ANGPTL4: variants seen among roughly 807,000 people sequenced by gnomAD.
ANGPTL4 encodes angiopoietin-related protein 4.
Under a neutral mutation model 39.2 loss-of-function variants are expected in ANGPTL4, and 39 were observed. The ratio of observed to expected loss-of-function variants is 1.00; its 90% CI spans 0.77 to 1.30. The LOEUF is 1.30. Ranked by LOEUF, ANGPTL4 falls within the 50% of genes most tolerant of loss-of-function variation. The pLI is 0.00. For synonymous variants in ANGPTL4, 233 were observed against 229.5 expected (o/e 1.02, Z -0.14); for missense variants, 545 against 549.8 (o/e 0.99, Z 0.09).
chr19:8,366,948 TC>T (rs1971018654), intron 3 of ANGPTL4, among the ~76,000 whole-genome samples: 1 of 150,656 alleles, frequency 6.6e-6, no homozygotes, highest in South Asian at 2.1e-4. Flanking sequence ...GGTGCTTTAT[TC>T]CCAAATCTCC....
chr19:8,366,057 A>G lies in ANGPTL4; in HGVS notation c.422A>G (p.Gln141Arg), dbSNP rs1970997164. ...CAGCACCTGCGAATTCAGCATCTGC[A>G]AAGCCAGGTAACCCTAGGATCAAGG... Reference protein sequence around the residue: ...EKQHLRIQHLQSQFGLLDHKH... With the variant: ...EKQHLRIQHLRSQFGLLDHKH... The change falls in exon 2 of 7, where the codon CAA becomes CGA. Residue 141 changes from glutamine to arginine, a missense_variant. Gln to Arg is a conservative substitution (Grantham distance 43, BLOSUM62 1). Coordinates refer to ENST00000301455, the MANE Select transcript of ANGPTL4 (RefSeq NM_139314.3). 1 of 1,614,162 alleles carries G rather than the reference A, an allele frequency of 6.2e-7. No individual in the cohort carries two copies. Among genetic ancestry groups the G allele is most frequent in the Middle Eastern group, 1.6e-4 (1 of 6,062 alleles).
At position 8,365,799 on chromosome 19, in the gene ANGPTL4, G is replaced by A. The variant is rs61097060; in HGVS notation, c.319-155G>A. ...CACCACTGCACTCCAGCCTGGGCGA[G>A]AGAACGAGACCCCGTCATTGGGAAA... On this transcript the variant is annotated intron_variant, in intron 1 of 6. Transcript: ENST00000301455. Among the ~76,000 whole-genome samples the A allele has an allele frequency of 3.3e-3, 503 of 152,196 alleles. 3 individuals carry two copies. The highest frequency in any genetic ancestry group is 0.011 in the African/African-American group (471 of 41,522).
chr19:8,364,729 G>A, intron 1 of ANGPTL4, 90 bp downstream of exon 1: 2 of 1,472,512 alleles, frequency 1.4e-6, no homozygotes, highest in Non-Finnish European at 1.9e-6. Context: ...GGGGCGGGGT[G>A]CGCAACTGTG....
intron 3 of ANGPTL4, among the ~76,000 whole-genome samples, chr19:8,368,447 C>T (rs1266741943): frequency 6.6e-6 from 1 of 152,206 alleles, no homozygotes; most frequent in Non-Finnish European, 1.5e-5. Flanking sequence ...TAGATGACCT[C>T]AGTGTCCAGG....
Position 8,371,874 on chromosome 19 carries a change from CAGCCTCCCGAGT to C in ANGPTL4, c.1039+356_1039+367del, listed in dbSNP as rs1168501382. Among the ~76,000 whole-genome samples, 9 of 152,066 alleles carry C rather than the reference CAGCCTCCCGAGT, an allele frequency of 5.9e-5. No homozygotes were observed. The highest frequency in any genetic ancestry group is 2.2e-4 in the African/African-American group (9 of 41,390). Reference sequence around the variant, plus strand: ...CTGAGTTCACACCATTCTCCTGCCTCAGCCTCCCGAGTAGCTGGGACTATAGGTGCCCACCAC... The same window carrying C: ...CTGAGTTCACACCATTCTCCTGCCTCAGCTGGGACTATAGGTGCCCACCAC... On this transcript the variant is annotated intron_variant, in intron 6 of 6. Transcript: ENST00000301455. The surrounding 1 kb of genome is among the most constrained non-coding windows in gnomAD (Gnocchi z 5.1).
rs1364494864 is a variant in ANGPTL4, at chr19:8,364,391, C to G, written c.70C>G (p.Gln24Glu). Residue 24 changes from glutamine (Q) to glutamate (E), a missense_variant, in exon 1 of 7, where the codon CAG becomes GAG. Transcript: ENST00000301455. ...CAATAVLLSA[Q>E]GGPVQSKSPR... ...CGCCACCGCCGTGCTACTGAGCGCT[C>G]AGGGCGGACCCGTGCAGTCCAAGTC... The G allele has an allele frequency of 6.5e-6, 10 of 1,546,050 alleles. No individual in the cohort carries two copies. Among genetic ancestry groups the G allele is most frequent in the Non-Finnish European group, 7.8e-6 (9 of 1,149,270 alleles).
chr19:8,371,301 T>C lies in ANGPTL4; in HGVS notation c.818T>C (p.Leu273Pro), dbSNP rs2145482886. Reference protein sequence around the residue: ...HSITGDRNSRLAVQLRDWDGN... With the variant: ...HSITGDRNSRPAVQLRDWDGN... ...ATCACGGGGGACCGCAACAGCCGCCTGGCCGTGCAGCTGCGGGACTGGGAT... is the reference window on the plus strand; with the variant it reads ...ATCACGGGGGACCGCAACAGCCGCCCGGCCGTGCAGCTGCGGGACTGGGAT... The change falls in exon 6 of 7, where the codon CTG becomes CCG. Residue 273 changes from leucine (L) to proline (P), a missense_variant. Physicochemically the swap from Leu to Pro is moderately conservative, Grantham distance 98 (BLOSUM62 -3). Transcript: ENST00000301455. This position sits in a 1 kb window ranked among gnomAD's most constrained non-coding sequence, Gnocchi z 5.1. The C allele has an allele frequency of 6.2e-7, 1 of 1,613,958 alleles. No individual in the cohort carries two copies. Among genetic ancestry groups the C allele is most frequent in the Non-Finnish European group, 8.5e-7 (1 of 1,180,040 alleles).
Position 8,373,390 on chromosome 19 carries a change from T to C in ANGPTL4, c.1040-315T>C, listed in dbSNP as rs1239031652. Among the ~76,000 whole-genome samples the C allele has an allele frequency of 4.7e-5, 7 of 149,106 alleles. 1 individual carries two copies. Among genetic ancestry groups the C allele is most frequent in the Admixed American group, 6.7e-5 (1 of 14,950 alleles). ...CTGCACTCCAGCCTGGGAGATAGAG[T>C]GAGACTCAGTCTCAAAAAAAAAGAC... On this transcript the variant is annotated intron_variant, in intron 6 of 6. Transcript: ENST00000301455.
rs765497773 is a variant in ANGPTL4 at position 8,364,518 on chromosome 19, T to C, written c.197T>C (p.Leu66Pro). ...REHAERTRSQLSALERRLSAC... is the reference protein window; with the variant it reads ...REHAERTRSQPSALERRLSAC... ...CACGCGGAGCGCACCCGCAGTCAGCTGAGCGCGCTGGAGCGGCGCCTGAGC... is the reference window on the plus strand; with the variant it reads ...CACGCGGAGCGCACCCGCAGTCAGCCGAGCGCGCTGGAGCGGCGCCTGAGC... The change falls in exon 1 of 7, where the codon CTG becomes CCG. Residue 66 changes from leucine (L) to proline (P), a missense_variant. Transcript: ENST00000301455. 6.4e-7 allele frequency: 1 copy of C among 1,566,666 alleles called. No individual in the cohort carries two copies. The highest frequency in any genetic ancestry group is 1.2e-5 in the South Asian group (1 of 85,442).
At chr19:8,370,998 G>C in intron 4 of ANGPTL4, 58 bp from the exon 5 acceptor site, 1 of 1,540,654 alleles carries the variant, frequency 6.5e-7, no homozygotes, top group Non-Finnish European at 8.8e-7. Context: ...AGCCAGATGA[G>C]GGAGTGGGGT....
chr19:8,365,032 T>C (rs2145468509), intron 1 of ANGPTL4, among the ~76,000 whole-genome samples: 1 of 152,048 alleles, frequency 6.6e-6, no homozygotes, highest in East Asian at 1.9e-4. Flanking sequence ...TAGCCTGGCA[T>C]GGTGTGCATG....
At position 8,366,299 on chromosome 19, in the gene ANGPTL4, A is replaced by C; in HGVS notation, c.527A>C (p.His176Pro). The C allele has an allele frequency of 6.2e-7, 1 of 1,613,758 alleles. No homozygotes were observed. The highest frequency in any genetic ancestry group is 1.1e-5 in the South Asian group (1 of 91,046). ...PEMAQPVDPA[H>P]NVSRLHRLPR... ...ATGGCCCAGCCAGTTGACCCGGCTC[A>C]CAATGTCAGCCGCCTGCACCGTGAG... The change falls in exon 3 of 7, where the codon CAC becomes CCC. Residue 176 changes from histidine (H) to proline (P), a missense_variant. Coordinates refer to ENST00000301455, the MANE Select transcript of ANGPTL4 (RefSeq NM_139314.3).
At chr19:8,367,937 G>T (rs1371883973) in intron 3 of ANGPTL4, among the ~76,000 whole-genome samples, 1 of 151,970 alleles carries the variant, frequency 6.6e-6, no homozygotes, top group Non-Finnish European at 1.5e-5. Flanking sequence ...GGGTTCAAGT[G>T]ATTCTCCTGC....
chr19:8,364,328 G>A lies in ANGPTL4; in HGVS notation c.7G>A (p.Gly3Ser), dbSNP rs746583639. Residue 3 changes from glycine to serine, a missense_variant, in exon 1 of 7, where the codon GGT becomes AGT. Physicochemically the swap from Gly to Ser is moderately conservative, Grantham distance 56. Transcript: ENST00000301455. ...TCCCAGGCTACCTAAGAGGATGAGC[G>A]GTGCTCCGACGGCCGGGGCAGCCCT... Reference protein sequence around the residue: MSGAPTAGAALML... With the variant: MSSAPTAGAALML... 2 of 1,544,290 alleles carry A rather than the reference G, an allele frequency of 1.3e-6. No homozygotes were observed. Among genetic ancestry groups the A allele is most frequent in the Non-Finnish European group, 1.7e-6 (2 of 1,149,424 alleles).
In ANGPTL4 at chr19:8,369,200, C is replaced by A; in HGVS notation, c.548-19C>A. 6.2e-7 allele frequency: 1 copy of A among 1,600,648 alleles called. No homozygotes were observed. Among genetic ancestry groups the A allele is most frequent in the Non-Finnish European group, 8.5e-7 (1 of 1,174,492 alleles). On this transcript the variant is annotated intron_variant, in intron 3 of 6. Transcript: ENST00000301455. The stretch of plus-strand genomic sequence containing the variant: ...GGGGCTGCCCTCCTGTTTCAAGTCT[C>A]CACTTTATCTCCCTTCAGGGCTGCC...
intron 4 of ANGPTL4, among the ~76,000 whole-genome samples, chr19:8,370,504 G>A (rs1035233708): frequency 3.3e-5 from 5 of 152,062 alleles, no homozygotes; most frequent in African/African-American, 9.7e-5. Flanking sequence ...CTTGAGGTCA[G>A]AAGTTCAAGA....
Position 8,371,345 on chromosome 19 carries a change from C to T in ANGPTL4, c.862C>T (p.Gln288Ter). 1 of 1,613,710 alleles carries T rather than the reference C, an allele frequency of 6.2e-7. No individual in the cohort carries two copies. The highest frequency in any genetic ancestry group is 8.5e-7 in the Non-Finnish European group (1 of 1,180,034). The stretch of plus-strand genomic sequence containing the variant: ...CTGGGATGGCAACGCCGAGTTGCTG[C>T]AGTTCTCCGTGCACCTGGGTGGCGA... Reference protein sequence around the residue: ...RDWDGNAELLQFSVHLGGEDT... With the variant: ...RDWDGNAELL Residue 288 changes from glutamine (Q) to a stop codon, truncating the protein, a stop_gained, in exon 6 of 7, where the codon CAG becomes TAG. Coordinates refer to ENST00000301455, the MANE Select transcript of ANGPTL4 (RefSeq NM_139314.3). LOFTEE classifies it high-confidence loss of function. The surrounding 1 kb of genome is among the most constrained non-coding windows in gnomAD (Gnocchi z 5.1).
chr19:8,368,195 GT>G (rs1465626164), intron 3 of ANGPTL4, among the ~76,000 whole-genome samples: 3 of 151,988 alleles, frequency 2.0e-5, no homozygotes, highest in African/African-American at 7.2e-5. Context: ...ATCTTTGTAT[GT>G]TTTACTAGAG....
Position 8,371,082 on chromosome 19 carries a change from C to A in ANGPTL4, c.688C>A (p.Arg230Ser). The stretch of plus-strand genomic sequence containing the variant: ...TGGAGGCTGGACAGTAATTCAGAGG[C>A]GCCACGATGGCTCAGTGGACTTCAA... ...SDGGWTVIQR[R>S]HDGSVDFNRP... is the part of the protein sequence containing the mutation. The change falls in exon 5 of 7, where the codon CGC becomes AGC. Residue 230 changes from arginine (R) to serine (S), a missense_variant. Transcript: ENST00000301455. This position sits in a 1 kb window ranked among gnomAD's most constrained non-coding sequence, Gnocchi z 5.1. 1 of 1,604,614 alleles carries A rather than the reference C, an allele frequency of 6.2e-7. No homozygotes were observed. Among genetic ancestry groups the A allele is most frequent in the Non-Finnish European group, 8.5e-7 (1 of 1,175,608 alleles).
Sources: allele counts gnomAD v4.1 joint callset (sites outside exome capture counted in the v4.1 genomes callset), GRCh38; gene constraint gnomAD v4.1.1; non-coding constraint Gnocchi (gnomAD v3.1); transcripts MANE v1.5; gene names NCBI Gene and HGNC (gene_info 2026-07-23, HGNC 2026-07-21).